Variants in ESRRG observed in about 807,000 individuals in gnomAD.
ESRRG encodes the protein estrogen-related receptor gamma.
In ESRRG, 13 loss-of-function variants were observed where a neutral mutation model predicts 44.0. The ratio of observed to expected loss-of-function variants is 0.30; its 90% CI spans 0.19 to 0.47. ESRRG has a LOEUF of 0.47. Among genes scored for constraint, ESRRG ranks in the 20% least tolerant of loss-of-function variants. The probability of loss-of-function intolerance (pLI) is 1.00; values close to 1 mark genes in which losing one functional copy is unlikely to be tolerated. For missense variants in ESRRG, 395 were observed against 580.6 expected (o/e 0.68, Z 3.29); for synonymous variants, 215 against 214.6 (o/e 1.00, Z -0.02).
intron 2 of ESRRG, among the ~76,000 whole-genome samples, chr1:216,774,521 C>T (rs1302758701): frequency 3.3e-5 from 5 of 152,108 alleles, no homozygotes; most frequent in South Asian, 4.1e-4. Flanking sequence ...CTTTCTTGCT[C>T]GACCCTCCAA....
intron 1 of ESRRG, among the ~76,000 whole-genome samples, chr1:217,084,237 G>A (rs972698987): frequency 6.6e-6 from 1 of 151,892 alleles, no homozygotes; most frequent in African/African-American, 2.4e-5. Context: ...AAAACTGATT[G>A]CCTCCTTAAG....
chr1:216,534,640 G>A (rs1044565400), intron 5 of ESRRG, among the ~76,000 whole-genome samples: 14 of 152,236 alleles, frequency 9.2e-5, no homozygotes, highest in African/African-American at 1.9e-4. Context: ...TCATGTAGCC[G>A]AATAACTGAT....
chr1:216,766,819 CT>C (rs1217849101), intron 2 of ESRRG, among the ~76,000 whole-genome samples: 1 of 152,140 alleles, frequency 6.6e-6, no homozygotes, highest in Non-Finnish European at 1.5e-5. Context: ...ATTCTGCTCT[CT>C]GGGGTCAGAC....
chr1:216,876,829 A>C (rs1461669822), intron 2 of ESRRG, among the ~76,000 whole-genome samples: 1 of 152,194 alleles, frequency 6.6e-6, no homozygotes, highest in Non-Finnish European at 1.5e-5. Context: ...ACATGAAACA[A>C]TATGTACCCT....
chr1:216,701,419 C>G (rs1158813234), intron 1 of ESRRG: 1 of 152,204 alleles, frequency 6.6e-6, no homozygotes, highest in Non-Finnish European at 1.5e-5. Context: ...ATAGATTTCT[C>G]TTAACTGCTT....
intron 5 of ESRRG, among the ~76,000 whole-genome samples, chr1:216,546,216 C>T (rs1048150045): frequency 6.6e-6 from 1 of 152,062 alleles, no homozygotes; most frequent in Non-Finnish European, 1.5e-5. Flanking sequence ...TCAGACATTA[C>T]CAAATGTTCC....
At chr1:216,762,015 C>A (rs1158867670) in intron 2 of ESRRG, among the ~76,000 whole-genome samples, 4 of 152,082 alleles carry the variant, frequency 2.6e-5, no homozygotes, top group African/African-American at 9.7e-5. Flanking sequence ...GTGCTTTAGA[C>A]CCATTGCTTT....
At chr1:216,524,104 G>A (rs1175309477) in intron 5 of ESRRG, among the ~76,000 whole-genome samples, 1 of 151,504 alleles carries the variant, frequency 6.6e-6, no homozygotes, top group Non-Finnish European at 1.5e-5. Flanking sequence ...CCTTGCTAGA[G>A]ATAAACTTAT....
At chr1:216,606,545 A>G (rs925943742) in intron 3 of ESRRG, among the ~76,000 whole-genome samples, 1 of 151,388 alleles carries the variant, frequency 6.6e-6, no homozygotes, top group African/African-American at 2.4e-5. Context: ...ATTATTGGCC[A>G]CTCTTTCTCT....
chr1:216,939,343 C>CAAAAAAAAAAAAAAAAAAAAAAAAAA (rs201260010), intron 2 of ESRRG, among the ~76,000 whole-genome samples: 12 of 50,074 alleles, frequency 2.4e-4, no homozygotes, highest in East Asian at 2.5e-3. Context: ...TACACATAGA[C>CAAAAAAAAAAAAAAAAAAAAAAAAAA]AAAAAAAAAA....
chr1:216,611,211 C>CAAAAAA (rs397861468), intron 3 of ESRRG, among the ~76,000 whole-genome samples: 3 of 60,434 alleles, frequency 5.0e-5, no homozygotes, highest in African/African-American at 2.5e-4. Flanking sequence ...ACTCCGTCCT[C>CAAAAAA]AAAAAAAAAA....
chr1:216,951,620 A>G (rs1480430546), intron 1 of ESRRG, among the ~76,000 whole-genome samples: 1 of 152,048 alleles, frequency 6.6e-6, no homozygotes, highest in Admixed American at 6.6e-5. Context: ...AAAACTAAAA[A>G]CAGCACCAAA....
chr1:217,093,849 G>T (rs532539231), upstream of ESRRG, among the ~76,000 whole-genome samples: 19 of 150,652 alleles, frequency 1.3e-4, no homozygotes, highest in African/African-American at 4.4e-4. Flanking sequence ...TTTTTAATGA[G>T]ATAAAATTAT....
chr1:216,867,103 G>A (rs1333796895), intron 2 of ESRRG, among the ~76,000 whole-genome samples: 2 of 152,152 alleles, frequency 1.3e-5, no homozygotes, highest in Non-Finnish European at 2.9e-5. Context: ...TGTATGCAAC[G>A]TGCATGCTGA....
chr1:216,775,337 C>T (rs1170219879), intron 2 of ESRRG, among the ~76,000 whole-genome samples: 1 of 151,940 alleles, frequency 6.6e-6, no homozygotes, highest in African/African-American at 2.4e-5. Context: ...TCTCCATAAT[C>T]TTTATCTCTA....
intron 2 of ESRRG, among the ~76,000 whole-genome samples, chr1:216,908,233 G>A (rs1224953705): frequency 6.6e-6 from 1 of 152,184 alleles, no homozygotes; most frequent in African/African-American, 2.4e-5. Context: ...CTGTGTCTTG[G>A]TATTATATCC....
intron 1 of ESRRG, among the ~76,000 whole-genome samples, chr1:216,942,823 G>T (rs1479513491): frequency 6.6e-6 from 1 of 152,076 alleles, no homozygotes; most frequent in Non-Finnish European, 1.5e-5. Flanking sequence ...GTCCTTTGTA[G>T]TATGCATAGT....
At chr1:216,943,280 A>T (rs947724692) in intron 1 of ESRRG, among the ~76,000 whole-genome samples, 5 of 152,148 alleles carry the variant, frequency 3.3e-5, no homozygotes, top group Admixed American at 6.6e-5. Context: ...CTTCACTCAC[A>T]AAGTCAGTGA....
Position 216,895,128 on chromosome 1 carries a change from T to C in ESRRG, c.-14+44454A>G, listed in dbSNP as rs941214528. Among the ~76,000 whole-genome samples the C allele has an allele frequency of 2.6e-4, 40 of 152,176 alleles. 1 individual carries two copies. The highest frequency in any genetic ancestry group is 1.0e-3 in the South Asian group (5 of 4,830). The stretch of plus-strand genomic sequence containing the variant: ...TAGATAGACATCCATATTAGTTTTA[T>C]TTTCTAAAACATCACTGCATTTCCT... On this transcript the variant is annotated intron_variant, in intron 2 of 7. Transcript: ENST00000359162.
Sources: gnomAD v4.1 joint callset for allele counts (sites outside exome capture counted in the v4.1 genomes callset) on GRCh38, gnomAD v4.1.1 for gene constraint, MANE v1.5 for transcripts, NCBI Gene and HGNC (gene_info 2026-07-23, HGNC 2026-07-21) for gene names.